SP3: variants seen among roughly 807,000 people sequenced by gnomAD.
The protein encoded by SP3 is Sp3 transcription factor.
Under a neutral mutation model 70.3 loss-of-function variants are expected in SP3, and 10 were observed. That is an observed-to-expected ratio of 0.14 (90% confidence interval 0.09 to 0.24). The LOEUF is 0.24. SP3 is among the 10% of genes least tolerant of loss of function. SP3 has a pLI of 1.00. For synonymous variants in SP3, 402 were observed against 333.5 expected (o/e 1.21, Z -2.24); for missense variants, 825 against 914.6 (o/e 0.90, Z 1.26).
At position 173,903,928 on chromosome 2, in the gene SP3, C is replaced by T. The variant is rs570566371; in HGVS notation, c.*6013G>A. Among the ~76,000 whole-genome samples the T allele has an allele frequency of 8.1e-5, 12 of 148,714 alleles. No homozygotes were observed. Among genetic ancestry groups the T allele is most frequent in the South Asian group, 4.3e-4 (2 of 4,700 alleles). The stretch of plus-strand genomic sequence containing the variant: ...GACTTTTTGTTGGTATTTCCTAGGA[C>T]GGCGGTCCCCAAACTTTTTGGCACC... On this transcript the variant is annotated 3_prime_UTR_variant, in exon 7 of 7. Coordinates refer to ENST00000310015, the MANE Select transcript of SP3 (RefSeq NM_003111.5).
At chr2:173,940,525 A>C (rs1429967501) in intron 4 of SP3, among the ~76,000 whole-genome samples, 1 of 152,226 alleles carries the variant, frequency 6.6e-6, no homozygotes, top group Non-Finnish European at 1.5e-5. Flanking sequence ...AGTAAGAGCC[A>C]AACTAACAAA....
At chr2:173,941,672 A>G (rs563071969) in intron 4 of SP3, among the ~76,000 whole-genome samples, 1 of 152,308 alleles carries the variant, frequency 6.6e-6, no homozygotes, top group South Asian at 2.1e-4. Flanking sequence ...CTTCCAGAAT[A>G]TACTTGGCTT....
intron 4 of SP3, among the ~76,000 whole-genome samples, chr2:173,931,103 A>C (rs1690052498): frequency 6.6e-6 from 1 of 152,218 alleles, no homozygotes; most frequent in African/African-American, 2.4e-5. Context: ...GTCTAAAAAA[A>C]CAAAAAGTAC....
At chr2:173,960,513 A>G (rs1691034812) in intron 3 of SP3, among the ~76,000 whole-genome samples, 1 of 152,200 alleles carries the variant, frequency 6.6e-6, no homozygotes, top group Non-Finnish European at 1.5e-5. Context: ...ACCCTACCCA[A>G]TGAATTAGTT....
intron 5 of SP3, among the ~76,000 whole-genome samples, chr2:173,917,908 A>G (rs975483681): frequency 1.3e-5 from 2 of 151,990 alleles, no homozygotes; most frequent in Admixed American, 1.3e-4. Context: ...TTGCCTGATA[A>G]ATCTTTTTCC....
chr2:173,964,310 A>AG, intron 2 of SP3, 95 bp downstream of exon 2: 1 of 525,250 alleles, frequency 1.9e-6, no homozygotes, highest in Non-Finnish European at 3.3e-6. Flanking sequence ...GGGAGAGACG[A>AG]GGAGGGAGGG....
intron 5 of SP3, chr2:173,914,468 A>C (rs1689575874): frequency 6.6e-6 from 1 of 152,230 alleles, no homozygotes; most frequent in South Asian, 2.1e-4. Context: ...ACTCAGTAGC[A>C]TGTGAAATTG....
At position 173,956,058 on chromosome 2, in the gene SP3, A is replaced by G. The variant is rs1336446756; in HGVS notation, c.454T>C (p.Phe152Leu). 2 of 1,614,066 alleles carry G rather than the reference A, an allele frequency of 1.2e-6. No homozygotes were observed. The highest frequency in any genetic ancestry group is 2.7e-5 in the African/African-American group (2 of 74,930). ...GAATCTGATCCTGGTGCAACGGAAA[A>G]TATTTGTTGATTCTGCAAATTCTGA... The part of the protein sequence containing the change: ...PLQNLQNQQI[F>L]SVAPGSDSSN... The change falls in exon 4 of 7, where the codon TTT (phenylalanine) becomes CTT (leucine). Residue 152 changes from phenylalanine to leucine, a missense_variant. Physicochemically the swap from Phe to Leu is conservative, Grantham distance 22 (BLOSUM62 0). Transcript: ENST00000310015.
intron 4 of SP3, among the ~76,000 whole-genome samples, chr2:173,927,529 C>T (rs551469848): frequency 5.0e-4 from 76 of 152,136 alleles, no homozygotes; most frequent in Middle Eastern, 3.4e-3. Context: ...CTGCCGGCCT[C>T]GGTCTCCCAA....
At chr2:173,937,453 G>GT (rs1322856325) in intron 4 of SP3, among the ~76,000 whole-genome samples, 3 of 152,024 alleles carry the variant, frequency 2.0e-5, no homozygotes, top group Non-Finnish European at 2.9e-5. Context: ...TGTGAATCAA[G>GT]TAAGTATACA....
At chr2:173,918,942 C>A (rs1204568385) in intron 4 of SP3, among the ~76,000 whole-genome samples, 157 bp from the exon 5 acceptor site, 3 of 152,184 alleles carry the variant, frequency 2.0e-5, no homozygotes, top group Non-Finnish European at 4.4e-5. Context: ...ATCTAACTAA[C>A]CTCTATTCTT....
Position 173,956,257 on chromosome 2 carries a change from A to T in SP3, c.280-25T>A, listed in dbSNP as rs953788754. 4 of 1,546,156 alleles carry T rather than the reference A, an allele frequency of 2.6e-6. No homozygotes were observed. In the African/African-American group the frequency reaches 5.5e-5, roughly 21 times the overall value. On this transcript the variant is annotated intron_variant, in intron 3 of 6. Coordinates refer to ENST00000310015, the MANE Select transcript of SP3 (RefSeq NM_003111.5). ...TCTGGATGAAGAAAACAAAAAGGTG[A>T]TATATTTGTGGTATATTTAAATCAA...
chr2:173,948,947 C>T (rs969741886), intron 4 of SP3, among the ~76,000 whole-genome samples: 5 of 152,186 alleles, frequency 3.3e-5, no homozygotes, highest in Non-Finnish European at 1.5e-5. Flanking sequence ...GGTATGATAC[C>T]TAAATAAACC....
intron 5 of SP3, chr2:173,914,869 T>C (rs1235517843): frequency 6.6e-6 from 1 of 152,170 alleles, no homozygotes; most frequent in Non-Finnish European, 1.5e-5. Context: ...TATTTTATTA[T>C]TTAAAAATCC....
intron 4 of SP3, among the ~76,000 whole-genome samples, chr2:173,948,302 A>G (rs529093091): frequency 6.6e-6 from 1 of 152,312 alleles, no homozygotes; most frequent in East Asian, 1.9e-4. Context: ...TTCCAGAAAT[A>G]AAGACTTCGC....
intron 4 of SP3, among the ~76,000 whole-genome samples, chr2:173,926,007 T>C (rs573813788): frequency 6.6e-6 from 1 of 152,342 alleles, no homozygotes; most frequent in Non-Finnish European, 1.5e-5. Context: ...AATGCTCATC[T>C]TAAAGGTAGA....
chr2:173,910,164 C>T lies in SP3; in HGVS notation c.2123G>A (p.Gly708Asp), dbSNP rs745932652. 1 of 1,613,928 alleles carries T rather than the reference C, an allele frequency of 6.2e-7. No homozygotes were observed. The highest frequency in any genetic ancestry group is 1.7e-5 in the Admixed American group (1 of 60,004). Residue 708 changes from glycine (G) to aspartate (D), a missense_variant, in exon 7 of 7, where the codon GGT becomes GAT. This residue lies in a region of SP3 where 91 missense variants were observed against 97.4 expected (regional missense o/e 0.93). Transcript: ENST00000310015. ...KHIKTHQNKK[G>D]IHSSSTVLAS... Reference sequence around the variant, plus strand: ...CAGCACTGTACTGCTAGAGTGAATACCTTTTTTATTCTGGTGTGTTTTAAT... The same window carrying T: ...CAGCACTGTACTGCTAGAGTGAATATCTTTTTTATTCTGGTGTGTTTTAAT...
chr2:173,918,509 TTAAA>T, intron 5 of SP3, 80 bp downstream of exon 5: 1 of 1,319,206 alleles, frequency 7.6e-7, no homozygotes, highest in Non-Finnish European at 1.0e-6. Context: ...TTTCTCATAA[TTAAA>T]TGACATAGCA....
At chr2:173,961,422 T>C (rs577854039) in intron 3 of SP3, among the ~76,000 whole-genome samples, 4 of 152,322 alleles carry the variant, frequency 2.6e-5, no homozygotes, top group South Asian at 2.1e-4. Context: ...TTTCCACTTG[T>C]TTAAACACAA....
Sources: allele counts gnomAD v4.1 joint callset (sites outside exome capture counted in the v4.1 genomes callset), GRCh38; gene constraint gnomAD v4.1.1; regional missense constraint gnomAD v4.1.1; transcripts MANE v1.5; gene names NCBI Gene and HGNC (gene_info 2026-07-23, HGNC 2026-07-21).